PAQR4: variants seen among roughly 807,000 people sequenced by gnomAD.
The protein encoded by PAQR4 is progestin and adipoQ receptor family member 4, also known as progestin and adipoQ receptor family member IV.
Under a neutral mutation model 20.9 loss-of-function variants are expected in PAQR4, and 26 were observed. The observed-to-expected ratio is 1.24, with a 90% CI of 0.91 to 1.73. PAQR4 has a LOEUF of 1.73. Among genes scored for constraint, PAQR4 ranks in the 40% most tolerant of loss-of-function variants. The probability of loss-of-function intolerance (pLI) is 0.00; values close to 1 mark genes in which losing one functional copy is unlikely to be tolerated. For synonymous variants in PAQR4, 193 were observed against 171.6 expected, an observed-to-expected ratio of 1.12 and a Z score of -0.97; for missense variants, 400 against 380.1, an observed-to-expected ratio of 1.05 and a Z score of -0.44.
chr16:2,969,531 A>C lies in PAQR4; in HGVS notation c.-144A>C, dbSNP rs1358479240. On this transcript the variant is annotated 5_prime_UTR_variant, in exon 1 of 3. Transcript: ENST00000318782. ...GGGCGCGGGCTGGGACCCCCTAGCCAGCGCGTGCGCCGATCGAGCGCAGGG... is the reference window on the plus strand; with the variant it reads ...GGGCGCGGGCTGGGACCCCCTAGCCCGCGCGTGCGCCGATCGAGCGCAGGG... The C allele has an allele frequency of 1.6e-5, 15 of 915,262 alleles. No homozygotes were observed. The highest frequency in any genetic ancestry group is 4.4e-6 in the Non-Finnish European group (3 of 686,414). The allele number at this position is 915,262 out of a possible 1,614,324, so 56.7% of individuals were successfully genotyped here.
Position 2,972,788 on chromosome 16 carries a change from A to G in PAQR4, c.*840A>G. 1.3e-6 allele frequency: 2 copies of G among 1,539,750 alleles called. No individual in the cohort carries two copies. Among genetic ancestry groups the G allele is most frequent in the Non-Finnish European group, 1.7e-6 (2 of 1,143,274 alleles). The stretch of plus-strand genomic sequence containing the variant: ...CATCAATAAAGGGACAGGAAGGGCC[A>G]TGTTGCCACATGAGCAAGCTTGGGT... On this transcript the variant is annotated 3_prime_UTR_variant, in exon 3 of 3. Transcript: ENST00000318782.
In PAQR4 at chr16:2,972,828, A is replaced by C; in HGVS notation, c.*880A>C. Reference sequence around the variant, plus strand: ...CAAGCTTGGGTGCTCCCAAGGTTCAAATACTTTTTATTAGACACGGCCAGG... The same window carrying C: ...CAAGCTTGGGTGCTCCCAAGGTTCACATACTTTTTATTAGACACGGCCAGG... On this transcript the variant is annotated 3_prime_UTR_variant, in exon 3 of 3. Coordinates refer to ENST00000318782, the MANE Select transcript of PAQR4 (RefSeq NM_152341.5). 1 of 1,534,340 alleles carries C rather than the reference A, an allele frequency of 6.5e-7. No homozygotes were observed. The highest frequency in any genetic ancestry group is 8.8e-7 in the Non-Finnish European group (1 of 1,136,148).
Position 2,971,975 on chromosome 16 carries a change from GC to G in PAQR4, c.*29del. The G allele has an allele frequency of 6.5e-7, 1 of 1,533,252 alleles. No homozygotes were observed. The highest frequency in any genetic ancestry group is 1.2e-5 in the South Asian group (1 of 81,776). The allele number at this position is 1,533,252 out of a possible 1,614,324, so 95.0% of individuals were successfully genotyped here. ...CTGCCATGCCAGCCTGCCCACAGCAGCCTCCTAGAGTTAGCAACACCAGGTG... is the reference window on the plus strand; with the variant it reads ...CTGCCATGCCAGCCTGCCCACAGCAGCTCCTAGAGTTAGCAACACCAGGTG... On this transcript the variant is annotated 3_prime_UTR_variant, in exon 3 of 3. Coordinates refer to ENST00000318782, the MANE Select transcript of PAQR4 (RefSeq NM_152341.5).
chr16:2,971,868 G>C lies in PAQR4; in HGVS notation c.742G>C (p.Val248Leu). 1 of 1,611,652 alleles carries C rather than the reference G, an allele frequency of 6.2e-7. No homozygotes were observed. The highest frequency in any genetic ancestry group is 1.3e-5 in the African/African-American group (1 of 75,042). ...CCACCAGATCATGCACCTGCTGAGC[G>C]TGGGCTCCATCCTGCAGCTGCACGC... Reference protein sequence around the residue: ...NSHQIMHLLSVGSILQLHAGV... With the variant: ...NSHQIMHLLSLGSILQLHAGV... The change falls in exon 3 of 3, where the codon GTG (valine) becomes CTG (leucine). Residue 248 changes from valine (V) to leucine (L), a missense_variant. By Grantham distance (32) the Val-to-Leu change is conservative. Transcript: ENST00000318782.
In PAQR4 at chr16:2,972,906, A is replaced by G; in HGVS notation, c.*958A>G. On this transcript the variant is annotated 3_prime_UTR_variant, in exon 3 of 3. Coordinates refer to ENST00000318782, the MANE Select transcript of PAQR4 (RefSeq NM_152341.5). Reference sequence around the variant, plus strand: ...GGCCCCAGCTTTCAAGGGCGACGGGAGAGACACAGGATAAAAGGTTAAAAG... The same window carrying G: ...GGCCCCAGCTTTCAAGGGCGACGGGGGAGACACAGGATAAAAGGTTAAAAG... The G allele has an allele frequency of 2.6e-6, 4 of 1,561,964 alleles. No individual in the cohort carries two copies. The highest frequency in any genetic ancestry group is 3.5e-6 in the Non-Finnish European group (4 of 1,150,526).
chr16:2,969,793 G>A lies in PAQR4; in HGVS notation c.119G>A (p.Arg40His). Residue 40 changes from arginine (R) to histidine (H), a missense_variant, in exon 1 of 3, where the codon CGC becomes CAC. Physicochemically the swap from Arg to His is conservative, Grantham distance 29. Coordinates refer to ENST00000318782, the MANE Select transcript of PAQR4 (RefSeq NM_152341.5). ...RPASSGSGCL[R>H]SLFYLHNELG... ...GCCAGCAGCGGCTCGGGCTGCCTGC[G>A]CAGCCTCTTCTACCTGCACAACGAA... The A allele has an allele frequency of 6.2e-7, 1 of 1,607,520 alleles. No individual in the cohort carries two copies.
Position 2,971,336 on chromosome 16 carries a change from C to T in PAQR4, c.346C>T (p.Leu116Phe). The T allele has an allele frequency of 1.2e-6, 2 of 1,611,740 alleles. No individual in the cohort carries two copies. Among genetic ancestry groups the T allele is most frequent in the South Asian group, 1.1e-5 (1 of 91,088 alleles). ...GGGCAGCGCTGTGTACGCCCGGCTC[C>T]TCGCCCTGGACATGTGTGGGGTCTG... The part of the protein sequence containing the change: ...QGGSAVYARL[L>F]ALDMCGVCLV... The change falls in exon 2 of 3, where the codon CTC becomes TTC. Residue 116 changes from leucine (L) to phenylalanine (F), a missense_variant. Leu to Phe is a conservative substitution (Grantham distance 22). Coordinates refer to ENST00000318782, the MANE Select transcript of PAQR4 (RefSeq NM_152341.5).
rs150432644 is a variant in PAQR4 at position 2,971,745 on chromosome 16, C to T, written c.619C>T (p.Leu207=). The T allele has an allele frequency of 3.5e-5, 57 of 1,612,792 alleles. No individual in the cohort carries two copies. Among genetic ancestry groups the T allele is most frequent in the Non-Finnish European group, 4.6e-5 (54 of 1,179,850 alleles). ...GGCTCCAGGCTCCCTGCCCTGCTAC[C>T]TGCGCATGGACGCACTGGCGCTGCT... ...SGAPGSLPCY[L]RMDALALLGG... The change falls in exon 3 of 3, where the codon CTG becomes TTG. Residue 207 remains leucine, a synonymous_variant. Transcript: ENST00000318782.
chr16:2,973,406 G>A lies in PAQR4; in HGVS notation c.*1458G>A, dbSNP rs2072068318. 1.3e-6 allele frequency: 2 copies of A among 1,535,032 alleles called. No individual in the cohort carries two copies. Among genetic ancestry groups the A allele is most frequent in the Non-Finnish European group, 8.7e-7 (1 of 1,145,354 alleles). On this transcript the variant is annotated 3_prime_UTR_variant, in exon 3 of 3. Transcript: ENST00000318782. ...GCCTTCAAAGTCCTTCCATCTGGCT[G>A]CACTCCAAGGCCCCCTCTGTCCTTT...
intron 1 of PAQR4, 169 bp downstream of exon 1, chr16:2,970,009 C>G (rs556920437): frequency 3.2e-6 from 3 of 938,830 alleles, no homozygotes; most frequent in Non-Finnish European, 4.7e-6. Context: ...GGCCGCGCTG[C>G]CAGCTTCCGT....
chr16:2,971,197 C>T lies in PAQR4; in HGVS notation c.207C>T (p.Thr69=), dbSNP rs1258431154. Residue 69 remains threonine (T), a synonymous_variant, in exon 2 of 3, where the codon ACC becomes ACT. Coordinates refer to ENST00000318782, the MANE Select transcript of PAQR4 (RefSeq NM_152341.5). ...GCTTCCTGGTGCTGGTGCCAATGAC[C>T]ATGCCCTGGGGTCAGCTGGGCAAGG... ...LLGFLVLVPM[T]MPWGQLGKDG... is the part of the protein sequence containing the mutation. 4.3e-6 allele frequency: 7 copies of T among 1,613,432 alleles called. No individual in the cohort carries two copies. The highest frequency in any genetic ancestry group is 2.2e-5 in the South Asian group (2 of 91,090).
At position 2,970,226 on chromosome 16, in the gene PAQR4, T is replaced by C. The variant is rs1296705057; in HGVS notation, c.166+386T>C. ...CGGGAGGAGCCTCCCAGCGCCGCCG[T>C]CCTGACGCCCCCGCCCCAAGCCGCT... On this transcript the variant is annotated intron_variant, in intron 1 of 2. Transcript: ENST00000318782. The C allele has an allele frequency of 6.8e-5, 14 of 206,608 alleles. No homozygotes were observed. In the South Asian group the frequency reaches 8.6e-4, roughly 13 times the overall value. 12.8% of individuals were successfully genotyped at this position (206,608 alleles called of 1,614,324 possible). A position where few individuals can be genotyped will look rare whatever the true frequency, so the allele number is the denominator to read the frequency against.
rs185005984 is a variant in PAQR4, at chr16:2,972,865, A to T, written c.*917A>T. 6.5e-7 allele frequency: 1 copy of T among 1,536,050 alleles called. No homozygotes were observed. The highest frequency in any genetic ancestry group is 2.4e-5 in the East Asian group (1 of 41,826). On this transcript the variant is annotated 3_prime_UTR_variant, in exon 3 of 3. Coordinates refer to ENST00000318782, the MANE Select transcript of PAQR4 (RefSeq NM_152341.5). Reference sequence around the variant, plus strand: ...TAGACACGGCCAGGCAGAGAAGACCATGGGAGTTCCCGAGGGGCCCCAGCT... The same window carrying T: ...TAGACACGGCCAGGCAGAGAAGACCTTGGGAGTTCCCGAGGGGCCCCAGCT...
chr16:2,971,719 G>A lies in PAQR4; in HGVS notation c.593G>A (p.Gly198Glu). Residue 198 changes from glycine to glutamate, a missense_variant, in exon 3 of 3, where the codon GGG (glycine) becomes GAG (glutamate). Coordinates refer to ENST00000318782, the MANE Select transcript of PAQR4 (RefSeq NM_152341.5). The stretch of plus-strand genomic sequence containing the variant: ...GCCCGGGGAGTGGGTCTGGGTTCAG[G>A]GGCTCCAGGCTCCCTGCCCTGCTAC... ...FGARGVGLGS[G>E]APGSLPCYLR... The A allele has an allele frequency of 1.2e-6, 2 of 1,612,536 alleles. No individual in the cohort carries two copies. The highest frequency in any genetic ancestry group is 1.7e-6 in the Non-Finnish European group (2 of 1,179,726).
rs373996374 is a variant in PAQR4 at position 2,971,753 on chromosome 16, G to A, written c.627G>A (p.Met209Ile). ...APGSLPCYLR[M>I]DALALLGGLV... The stretch of plus-strand genomic sequence containing the variant: ...GCTCCCTGCCCTGCTACCTGCGCAT[G>A]GACGCACTGGCGCTGCTTGGGGGAC... Residue 209 changes from methionine to isoleucine, a missense_variant, in exon 3 of 3, where the codon ATG (methionine) becomes ATA (isoleucine). Coordinates refer to ENST00000318782, the MANE Select transcript of PAQR4 (RefSeq NM_152341.5). 3.3e-5 allele frequency: 54 copies of A among 1,612,828 alleles called. No homozygotes were observed. The highest frequency in any genetic ancestry group is 4.1e-5 in the Non-Finnish European group (48 of 1,179,902).
chr16:2,972,605 G>A lies in PAQR4; in HGVS notation c.*657G>A. 6.5e-7 allele frequency: 1 copy of A among 1,533,404 alleles called. No individual in the cohort carries two copies. The highest frequency in any genetic ancestry group is 8.7e-7 in the Non-Finnish European group (1 of 1,145,554). 95.0% of individuals were successfully genotyped at this position (1,533,404 alleles called of 1,614,324 possible). A position where few individuals can be genotyped will look rare whatever the true frequency, so the allele number is the denominator to read the frequency against. Reference sequence around the variant, plus strand: ...GCCGTGCCTGCCCTCCACCTTGAGTGCCATACTCCCAACAGCTCCAGGTAC... The same window carrying A: ...GCCGTGCCTGCCCTCCACCTTGAGTACCATACTCCCAACAGCTCCAGGTAC... On this transcript the variant is annotated 3_prime_UTR_variant, in exon 3 of 3. Transcript: ENST00000318782.
Position 2,971,943 on chromosome 16 carries a change from G to A in PAQR4, c.817G>A (p.Asp273Asn), listed in dbSNP as rs778207258. The change falls in exon 3 of 3, where the codon GAC becomes AAC. Residue 273 changes from aspartate (D) to asparagine (N), a missense_variant. Asp to Asn is a conservative substitution (Grantham distance 23). Coordinates refer to ENST00000318782, the MANE Select transcript of PAQR4 (RefSeq NM_152341.5). ...LWAAHHACPR[D>N] ...GGCTGCCCACCACGCCTGTCCCCGG[G>A]ACTGAGCTGCCATGCCAGCCTGCCC... The A allele has an allele frequency of 3.2e-6, 5 of 1,582,448 alleles. No individual in the cohort carries two copies. Among genetic ancestry groups the A allele is most frequent in the South Asian group, 1.1e-5 (1 of 89,108 alleles).
intron 1 of PAQR4, 199 bp downstream of exon 1, chr16:2,970,039 C>T (rs576678287): frequency 4.2e-6 from 3 of 718,228 alleles, no homozygotes; most frequent in Middle Eastern, 3.7e-4. Flanking sequence ...GGGTGGGGGC[C>T]GGGTCAGGAG....
At chr16:2,970,978 G>A (rs1006992855) in intron 1 of PAQR4, 179 bp from the exon 2 acceptor site, 11 of 625,506 alleles carry the variant, frequency 1.8e-5, no homozygotes, top group African/African-American at 3.7e-5. Flanking sequence ...CCTGAGCCAT[G>A]ATAAGTAACC....
Sources: allele counts gnomAD v4.1 joint callset, GRCh38; gene constraint gnomAD v4.1.1; transcripts MANE v1.5; gene names NCBI Gene and HGNC (gene_info 2026-07-23, HGNC 2026-07-21).